Variants in ZRSR2 observed in about 807,000 individuals in gnomAD.
ZRSR2 encodes zinc finger CCCH-type, RNA binding motif and serine/arginine rich 2.
Under a neutral mutation model 39.4 loss-of-function variants are expected in ZRSR2, and 3 were observed. The observed-to-expected ratio is 0.08, with a 90% CI of 0.03 to 0.20. ZRSR2 has a LOEUF of 0.20. ZRSR2 is among the 10% of genes least tolerant of loss of function. The pLI is 1.00. For missense variants in ZRSR2, 256 were observed against 391.5 expected, an observed-to-expected ratio of 0.65 and a Z score of 2.92; for synonymous variants, 137 against 136.0, an observed-to-expected ratio of 1.01 and a Z score of -0.05.
intron 5 of ZRSR2, among the ~76,000 whole-genome samples, chrX:15,807,811 G>A (rs1278799001): frequency 1.8e-5 from 2 of 109,183 alleles, no homozygotes; most frequent in Admixed American, 9.8e-5. Context: ...AGGCTGAGGC[G>A]GGTGGATTGC....
chrX:15,797,753 C>T (rs1250927107), intron 2 of ZRSR2, among the ~76,000 whole-genome samples: 2 of 110,669 alleles, frequency 1.8e-5, no homozygotes, highest in Non-Finnish European at 3.8e-5. Flanking sequence ...CTGTGTTGTT[C>T]AAGGGTCAGC....
chrX:15,812,727 T>C (rs971939180), intron 7 of ZRSR2, among the ~76,000 whole-genome samples: 8 of 112,233 alleles, frequency 7.1e-5, no homozygotes, highest in Non-Finnish European at 1.5e-4. Context: ...CACATTAAGT[T>C]AGAGAAAGTA....
intron 5 of ZRSR2, among the ~76,000 whole-genome samples, chrX:15,807,004 G>T: frequency 8.9e-6 from 1 of 111,748 alleles, no homozygotes; most frequent in East Asian, 2.8e-4. Flanking sequence ...GAGTGTAGAG[G>T]ACAAGAGTTC....
chrX:15,810,499 G>A (rs1439187614), intron 7 of ZRSR2, among the ~76,000 whole-genome samples: 2 of 111,661 alleles, frequency 1.8e-5, no homozygotes, highest in Non-Finnish European at 3.8e-5. Flanking sequence ...TATGTCATCT[G>A]TCAGCTTTAC....
intron 10 of ZRSR2, 116 bp from the exon 11 acceptor site, chrX:15,822,615 C>G: frequency 8.7e-7 from 1 of 1,145,976 alleles, no homozygotes; most frequent in Non-Finnish European, 1.2e-6. Flanking sequence ...ACATAATACA[C>G]AGTAGAAAAT....
At chrX:15,822,463 T>A (rs996596744) in intron 10 of ZRSR2, among the ~76,000 whole-genome samples, 1 of 112,417 alleles carries the variant, frequency 8.9e-6, no homozygotes, top group Non-Finnish European at 1.9e-5. Flanking sequence ...TCAGTTGCAG[T>A]CTGCACCATA....
intron 9 of ZRSR2, among the ~76,000 whole-genome samples, chrX:15,819,146 T>C (rs868728947): frequency 5.4e-5 from 6 of 111,365 alleles, no homozygotes; most frequent in Middle Eastern, 9.3e-3. Context: ...ACTTAAATAT[T>C]AAGAGTTGAA....
Position 15,807,343 on chromosome X carries a change from G to T in ZRSR2, c.400-890G>T, listed in dbSNP as rs756123706. ...CTTGCTCTGTCGCCTAGGCTGGAGT[G>T]CAGTGGCGTCATCTCGGCTCACTGC... On this transcript the variant is annotated intron_variant, in intron 5 of 10. Transcript: ENST00000307771. Among the ~76,000 whole-genome samples the T allele has an allele frequency of 1.1e-4, 12 of 109,974 alleles. No homozygotes were observed. In the Middle Eastern group the frequency reaches 0.014, roughly 128 times the overall value.
At chrX:15,810,160 C>T (rs1932857150) in intron 7 of ZRSR2, among the ~76,000 whole-genome samples, 1 of 112,101 alleles carries the variant, frequency 8.9e-6, no homozygotes, top group African/African-American at 3.2e-5. Flanking sequence ...GTGAGACACT[C>T]TTCTTGTTCC....
At chrX:15,804,267 G>T (rs950156429) in intron 5 of ZRSR2, 70 bp downstream of exon 5, 22 of 1,016,778 alleles carry the variant, frequency 2.2e-5, no homozygotes, top group Admixed American at 3.7e-5. Flanking sequence ...CAGAGTTTGG[G>T]TTTTTTTTTT....
chrX:15,790,545 C>T lies in ZRSR2; in HGVS notation c.41+9C>T. 3.4e-6 allele frequency: 4 copies of T among 1,160,066 alleles called. No homozygotes were observed. The highest frequency in any genetic ancestry group is 4.6e-6 in the Non-Finnish European group (4 of 871,191). ...TTTCCCGAGAAACCAAGGTAAGCGC[C>T]GTACGGGGAGATGAGCAGGCGAGCG... On this transcript the variant is annotated intron_variant, in intron 1 of 10. Coordinates refer to ENST00000307771, the MANE Select transcript of ZRSR2 (RefSeq NM_005089.4).
Position 15,790,663 on chromosome X carries a change from G to C in ZRSR2, c.41+127G>C, listed in dbSNP as rs185207087. On this transcript the variant is annotated intron_variant, in intron 1 of 10. Transcript: ENST00000307771. ...CACCGCGGCAGCTCCATTCCTTCCT[G>C]GTGCGCGCTCTGGTGCCCTCCCCGG... 50 of 958,856 alleles carry C rather than the reference G, an allele frequency of 5.2e-5. No homozygotes were observed. The Admixed American group carries it at 1.4e-3, about 26-fold the overall frequency. The allele number at this position is 958,856 out of a possible 1,213,427, so 79.0% of individuals were successfully genotyped here.
intron 2 of ZRSR2, among the ~76,000 whole-genome samples, chrX:15,795,894 G>A (rs182189493): frequency 1.7e-3 from 187 of 112,198 alleles, no homozygotes; most frequent in African/African-American, 5.8e-3. Context: ...AGGCCAAGGC[G>A]GGTGGATCAC....
intron 2 of ZRSR2, among the ~76,000 whole-genome samples, chrX:15,793,284 G>C (rs1483199174): frequency 9.1e-6 from 1 of 110,468 alleles, no homozygotes; most frequent in East Asian, 2.8e-4. Context: ...GTATTGTTTT[G>C]ATTTTTTTTT....
intron 7 of ZRSR2, among the ~76,000 whole-genome samples, chrX:15,810,853 T>TA (rs753240299): frequency 0.026 from 2,439 of 92,837 alleles, 59 homozygotes; most frequent in African/African-American, 0.074. Context: ...CTGGTATCTA[T>TA]AAAAAAAAAA....
intron 7 of ZRSR2, among the ~76,000 whole-genome samples, chrX:15,812,518 G>C (rs1932903057): frequency 1.8e-5 from 2 of 111,695 alleles, no homozygotes; most frequent in African/African-American, 3.3e-5. Flanking sequence ...GCATTTCTTT[G>C]GCTGGTTGTT....
At chrX:15,790,676 G>T (rs1280654292) in intron 1 of ZRSR2, 140 bp downstream of exon 1, 1 of 886,527 alleles carries the variant, frequency 1.1e-6, no homozygotes, top group African/African-American at 2.0e-5. Context: ...GCGCGCTCTG[G>T]TGCCCTCCCC....
At chrX:15,820,820 G>A (rs754372446) in intron 10 of ZRSR2, among the ~76,000 whole-genome samples, 12 of 111,956 alleles carry the variant, frequency 1.1e-4, no homozygotes, top group Non-Finnish European at 9.4e-5. Context: ...GTGCACTAGA[G>A]ACTAATTGTA....
intron 10 of ZRSR2, among the ~76,000 whole-genome samples, chrX:15,821,625 A>G (rs775854800): frequency 9.1e-5 from 10 of 109,758 alleles, no homozygotes; most frequent in African/African-American, 2.0e-4. Context: ...CAACTTAACT[A>G]TTTTTTTGTT....
Sources: gnomAD v4.1 joint callset for allele counts (sites outside exome capture counted in the v4.1 genomes callset) on GRCh38, gnomAD v4.1.1 for gene constraint, MANE v1.5 for transcripts, NCBI Gene and HGNC (gene_info 2026-07-23, HGNC 2026-07-21) for gene names.